RAB22A: variants seen among roughly 807,000 people sequenced by gnomAD.
RAB22A encodes ras-related protein Rab-22A.
A neutral mutation model predicts 30.2 loss-of-function variants in RAB22A; 13 were observed. The ratio of observed to expected loss-of-function variants is 0.43; its 90% CI spans 0.28 to 0.68. The LOEUF is 0.68. RAB22A is among the 30% of genes least tolerant of loss of function. RAB22A has a pLI of 0.18. For synonymous variants in RAB22A, 89 were observed against 87.2 expected (o/e 1.02, Z -0.11); for missense variants, 177 against 246.8 (o/e 0.72, Z 1.89).
At chr20:58,356,172 G>A (rs536908258) in intron 6 of RAB22A, among the ~76,000 whole-genome samples, 4 of 152,160 alleles carry the variant, frequency 2.6e-5, no homozygotes, top group East Asian at 1.9e-4. Flanking sequence ...TTAGCTGGGC[G>A]TGGTGGTGCA....
At chr20:58,314,767 G>A (rs1986302055) in intron 2 of RAB22A, among the ~76,000 whole-genome samples, 1 of 152,086 alleles carries the variant, frequency 6.6e-6, no homozygotes, top group African/African-American at 2.4e-5. Context: ...CTTAAACGCG[G>A]GAGGCGGAGT....
In RAB22A at chr20:58,366,244, G is replaced by A. The variant is rs111656511; in HGVS notation, c.*6541G>A. On this transcript the variant is annotated 3_prime_UTR_variant, in exon 7 of 7. Transcript: ENST00000244040. ...GCATATGTAATCTGCCTTCCCCTGCGGCCTTCCGTGGTCACAGCAACAGGG... is the reference window on the plus strand; with the variant it reads ...GCATATGTAATCTGCCTTCCCCTGCAGCCTTCCGTGGTCACAGCAACAGGG... 26 of 152,154 alleles carry A rather than the reference G, an allele frequency of 1.7e-4. 1 individual carries two copies. Among genetic ancestry groups the A allele is most frequent in the African/African-American group, 6.0e-4 (25 of 41,486 alleles). 9.4% of individuals were successfully genotyped at this position (152,154 alleles called of 1,614,324 possible). A position where few individuals can be genotyped will look rare whatever the true frequency, so the allele number is the denominator to read the frequency against.
chr20:58,354,136 A>G lies in RAB22A; in HGVS notation c.378-20A>G, dbSNP rs766198047. 1 of 1,553,704 alleles carries G rather than the reference A, an allele frequency of 6.4e-7. No homozygotes were observed. Among genetic ancestry groups the G allele is most frequent in the Admixed American group, 1.7e-5 (1 of 59,014 alleles). On this transcript the variant is annotated intron_variant, in intron 5 of 6. Transcript: ENST00000244040. ...GATCTTCATGGGTAGAATTTCTGAT[A>G]TGTAGTTGTTGCCTTCCAGAGAAGT...
chr20:58,311,863 T>A (rs1012492550), intron 2 of RAB22A, among the ~76,000 whole-genome samples: 1 of 152,248 alleles, frequency 6.6e-6, no homozygotes, highest in African/African-American at 2.4e-5. Context: ...ATGCAGATCA[T>A]TCTTTGACTA....
intron 2 of RAB22A, among the ~76,000 whole-genome samples, chr20:58,323,971 C>T (rs982667695): frequency 1.3e-5 from 2 of 151,878 alleles, no homozygotes; most frequent in Non-Finnish European, 2.9e-5. Context: ...AAATACATAT[C>T]ACTGGCTTTA....
intron 2 of RAB22A, among the ~76,000 whole-genome samples, chr20:58,340,820 A>G (rs1363919332): frequency 6.6e-6 from 1 of 152,190 alleles, no homozygotes; most frequent in Non-Finnish European, 1.5e-5. Context: ...ACAGGTGTCT[A>G]TGGTCATTAA....
At chr20:58,327,400 C>T (rs1986586719) in intron 2 of RAB22A, among the ~76,000 whole-genome samples, 1 of 152,230 alleles carries the variant, frequency 6.6e-6, no homozygotes, top group South Asian at 2.1e-4. Flanking sequence ...CTGCAGTTAT[C>T]TGAAGGATCC....
At chr20:58,343,415 C>T (rs1366536226) in intron 2 of RAB22A, among the ~76,000 whole-genome samples, 1 of 151,930 alleles carries the variant, frequency 6.6e-6, no homozygotes, top group Non-Finnish European at 1.5e-5. Context: ...CTTTAAATAA[C>T]AGGTTTTGTG....
At chr20:58,350,898 A>G (rs1252806715) in intron 3 of RAB22A, among the ~76,000 whole-genome samples, 2 of 152,226 alleles carry the variant, frequency 1.3e-5, no homozygotes, top group Non-Finnish European at 2.9e-5. Context: ...AAATTATAAC[A>G]CTGGATTGTA....
intron 3 of RAB22A, among the ~76,000 whole-genome samples, chr20:58,348,893 G>A (rs1288518977): frequency 6.6e-6 from 1 of 152,224 alleles, no homozygotes; most frequent in Non-Finnish European, 1.5e-5. Flanking sequence ...ACAGGCCGCA[G>A]GTTAGACAAG....
At chr20:58,350,329 G>T (rs1189767512) in intron 3 of RAB22A, among the ~76,000 whole-genome samples, 2 of 152,202 alleles carry the variant, frequency 1.3e-5, no homozygotes, top group African/African-American at 4.8e-5. Context: ...TCTAACGTAT[G>T]TGTAATTGGA....
At chr20:58,314,524 G>A (rs1986297326) in intron 2 of RAB22A, among the ~76,000 whole-genome samples, 2 of 152,158 alleles carry the variant, frequency 1.3e-5, no homozygotes, top group South Asian at 4.1e-4. Context: ...TTTAAATATT[G>A]AAAGATGAAT....
At chr20:58,320,245 T>C (rs1986426063) in intron 2 of RAB22A, among the ~76,000 whole-genome samples, 1 of 152,348 alleles carries the variant, frequency 6.6e-6, no homozygotes, top group South Asian at 2.1e-4. Flanking sequence ...TCTGAAAATA[T>C]GTAACTGCAG....
Position 58,365,972 on chromosome 20 carries a change from C to CGTA in RAB22A, c.*6271_*6272insAGT, listed in dbSNP as rs1213279189. On this transcript the variant is annotated 3_prime_UTR_variant, in exon 7 of 7. Coordinates refer to ENST00000244040, the MANE Select transcript of RAB22A (RefSeq NM_020673.3). ...GTGGTGGCCCTATTTTTAAACCATT[C>CGTA]GTTACGCTGTGTAGACAGAGCTTTA... is the stretch of plus-strand genomic sequence containing the variant. 6.6e-6 allele frequency: 1 copy of CGTA among 152,048 alleles called. No individual in the cohort carries two copies. Among genetic ancestry groups the CGTA allele is most frequent in the African/African-American group, 2.4e-5 (1 of 41,394 alleles). The allele number at this position is 152,048 out of a possible 1,614,324, so 9.4% of individuals were successfully genotyped here. A position where few individuals can be genotyped will look rare whatever the true frequency, so the allele number is the denominator to read the frequency against.
rs1057344241 is a variant in RAB22A, at chr20:58,364,845, C to G, written c.*5142C>G. On this transcript the variant is annotated 3_prime_UTR_variant, in exon 7 of 7. Transcript: ENST00000244040. ...TGTCTCCTGGGTTCAAGCAGTTCTC[C>G]TGCCTCAGCCTCCTGAGTAGCTGGG... 9 of 151,870 alleles carry G rather than the reference C, an allele frequency of 5.9e-5. No homozygotes were observed. Among genetic ancestry groups the G allele is most frequent in the Non-Finnish European group, 1.3e-4 (9 of 68,018 alleles). 9.4% of individuals were successfully genotyped at this position (151,870 alleles called of 1,614,324 possible). A position where few individuals can be genotyped will look rare whatever the true frequency, so the allele number is the denominator to read the frequency against.
At chr20:58,346,322 C>T (rs1356952231) in intron 3 of RAB22A, among the ~76,000 whole-genome samples, 1 of 152,202 alleles carries the variant, frequency 6.6e-6, no homozygotes, top group African/African-American at 2.4e-5. Context: ...TGACTTCCCA[C>T]TGCACCTCTC....
intron 2 of RAB22A, among the ~76,000 whole-genome samples, chr20:58,339,025 A>T (rs1239769995): frequency 6.6e-6 from 1 of 152,256 alleles, no homozygotes; most frequent in Admixed American, 6.5e-5. Flanking sequence ...GCTGGAATGT[A>T]ATGTCAGAGC....
Position 58,353,675 on chromosome 20 carries a change from A to G in RAB22A, c.377+137A>G. 3 of 753,116 alleles carry G rather than the reference A, an allele frequency of 4.0e-6. No homozygotes were observed. The East Asian group carries it at 8.1e-5, about 20-fold the overall frequency. 46.7% of individuals were successfully genotyped at this position (753,116 alleles called of 1,614,324 possible). Reference sequence around the variant, plus strand: ...CTTTTGGTTGTGTGGTTGGAGTCCTAAATTTTTAAACTAAAATTAAGATTT... The same window carrying G: ...CTTTTGGTTGTGTGGTTGGAGTCCTGAATTTTTAAACTAAAATTAAGATTT... On this transcript the variant is annotated intron_variant, in intron 5 of 6. Coordinates refer to ENST00000244040, the MANE Select transcript of RAB22A (RefSeq NM_020673.3).
In RAB22A at chr20:58,359,790, C is replaced by T; in HGVS notation, c.*87C>T. The T allele has an allele frequency of 8.2e-7, 1 of 1,215,276 alleles. No individual in the cohort carries two copies. Among genetic ancestry groups the T allele is most frequent in the Non-Finnish European group, 1.2e-6 (1 of 849,734 alleles). 75.3% of individuals were successfully genotyped at this position (1,215,276 alleles called of 1,614,324 possible). A position where few individuals can be genotyped will look rare whatever the true frequency, so the allele number is the denominator to read the frequency against. ...CTGGGGTCCCTGCCACCAGTTTTCA[C>T]CTAGCCAGTCTTGAGTCTTCTCCGT... is the stretch of plus-strand genomic sequence containing the variant. On this transcript the variant is annotated 3_prime_UTR_variant, in exon 7 of 7. Transcript: ENST00000244040.
Sources: allele counts gnomAD v4.1 joint callset (sites outside exome capture counted in the v4.1 genomes callset), GRCh38; gene constraint gnomAD v4.1.1; transcripts MANE v1.5; gene names NCBI Gene and HGNC (gene_info 2026-07-23, HGNC 2026-07-21).